The following IL1RAPL1 variants were observed in gnomAD, a reference collection of about 807,000 sequenced individuals.
IL1RAPL1 encodes interleukin 1 receptor accessory protein like 1.
In IL1RAPL1, 3 loss-of-function variants were observed where a neutral mutation model predicts 48.4. That is an observed-to-expected ratio of 0.06 (90% confidence interval 0.03 to 0.16). The LOEUF (loss-of-function observed/expected upper bound fraction) is 0.16, where lower values mean the gene tolerates loss of function less well. Ranked by LOEUF, IL1RAPL1 falls within the 10% of genes least tolerant of loss-of-function variation. IL1RAPL1 has a pLI of 1.00. For missense variants in IL1RAPL1, 349 were observed against 530.6 expected, an observed-to-expected ratio of 0.66 and a Z score of 3.36; for synonymous variants, 185 against 187.7, an observed-to-expected ratio of 0.99 and a Z score of 0.12.
At chrX:28,605,467 A>G (rs889127462) in intron 1 of IL1RAPL1, among the ~76,000 whole-genome samples, 1 of 111,378 alleles carries the variant, frequency 9.0e-6, no homozygotes, top group Non-Finnish European at 1.9e-5. Flanking sequence ...TGTTGGTACT[A>G]TCTTTACCCA....
intron 1 of IL1RAPL1, among the ~76,000 whole-genome samples, chrX:28,722,964 G>C (rs937028387): frequency 2.1e-4 from 23 of 111,394 alleles, no homozygotes; most frequent in African/African-American, 7.5e-4. Context: ...TGGTGGATAA[G>C]CTTTTTGATG....
At chrX:28,877,654 A>G (rs1005205666) in intron 2 of IL1RAPL1, among the ~76,000 whole-genome samples, 2 of 112,029 alleles carry the variant, frequency 1.8e-5, no homozygotes, top group Non-Finnish European at 3.8e-5. Context: ...TTTTTAAATC[A>G]TATATTTTGA....
intron 6 of IL1RAPL1, among the ~76,000 whole-genome samples, chrX:29,910,018 A>G (rs760214957): frequency 3.6e-5 from 4 of 111,974 alleles, no homozygotes; most frequent in Admixed American, 1.9e-4. Flanking sequence ...ATGCACATCA[A>G]TGGTAGACTA....
rs57703867 is a variant in IL1RAPL1 at position 28,954,258 on chromosome X, C to T, written c.82+164833C>T. 8.5e-3 allele frequency among the ~76,000 whole-genome samples: 944 copies of T among 111,064 alleles called. 12 individuals are homozygous for T. The highest frequency in any genetic ancestry group is 0.029 in the African/African-American group (905 of 30,689). ...TAGATAAGCCAATAGTTTCATATAGCGTCTTCAATGTTACAAGATTTGTGA... is the reference window on the plus strand; with the variant it reads ...TAGATAAGCCAATAGTTTCATATAGTGTCTTCAATGTTACAAGATTTGTGA... On this transcript the variant is annotated intron_variant, in intron 2 of 10. Coordinates refer to ENST00000378993, the MANE Select transcript of IL1RAPL1 (RefSeq NM_014271.4).
chrX:28,659,259 C>T (rs1054749424), intron 1 of IL1RAPL1: 1 of 602,413 alleles, frequency 1.7e-6, no homozygotes, highest in Non-Finnish European at 2.8e-6. Context: ...ATTTCTTGCA[C>T]CAAACGCTGG....
chrX:29,577,214 A>C (rs1299745258), intron 5 of IL1RAPL1, among the ~76,000 whole-genome samples: 2 of 111,835 alleles, frequency 1.8e-5, no homozygotes, highest in African/African-American at 6.5e-5. Flanking sequence ...TCATCTTTGC[A>C]TTTTCAGTAG....
intron 2 of IL1RAPL1, among the ~76,000 whole-genome samples, chrX:29,252,379 T>A (rs1052406404): frequency 8.8e-6 from 1 of 113,996 alleles, no homozygotes; most frequent in Non-Finnish European, 1.9e-5. Flanking sequence ...ACTAGATTTC[T>A]CTATCAGTTT....
intron 1 of IL1RAPL1, among the ~76,000 whole-genome samples, chrX:28,718,375 T>TA (rs1172351943): frequency 8.9e-6 from 1 of 112,148 alleles, no homozygotes; most frequent in Admixed American, 9.5e-5. Context: ...TATGTAAAGT[T>TA]AAAAATAATT....
intron 6 of IL1RAPL1, among the ~76,000 whole-genome samples, chrX:29,694,953 A>T (rs1271960294): frequency 9.0e-6 from 1 of 111,152 alleles, no homozygotes; most frequent in Non-Finnish European, 1.9e-5. Flanking sequence ...GACAGTGTTG[A>T]CTTTGAGATT....
intron 2 of IL1RAPL1, among the ~76,000 whole-genome samples, chrX:29,275,681 G>T (rs1430570619): frequency 1.8e-5 from 2 of 111,851 alleles, no homozygotes; most frequent in African/African-American, 6.5e-5. Context: ...TGTTATCTTT[G>T]CTCTCAGAAT....
chrX:29,665,875 G>A (rs747870720), intron 5 of IL1RAPL1, among the ~76,000 whole-genome samples: 1 of 111,955 alleles, frequency 8.9e-6, no homozygotes, highest in South Asian at 3.7e-4. Context: ...TTCCAGTCTT[G>A]TAACAGATTG....
intron 2 of IL1RAPL1, among the ~76,000 whole-genome samples, chrX:29,194,880 T>TA (rs1477296080): frequency 1.8e-5 from 2 of 110,587 alleles, no homozygotes; most frequent in Non-Finnish European, 3.8e-5. Flanking sequence ...TTTTTTTTTT[T>TA]AACACTGCTC....
chrX:29,930,160 C>T (rs1209641830), intron 8 of IL1RAPL1, among the ~76,000 whole-genome samples: 2 of 112,235 alleles, frequency 1.8e-5, no homozygotes, highest in Non-Finnish European at 3.8e-5. Context: ...ATTGACTCCA[C>T]GTTTTATGTG....
chrX:29,056,327 G>A (rs1224277235), intron 2 of IL1RAPL1, among the ~76,000 whole-genome samples: 2 of 111,246 alleles, frequency 1.8e-5, no homozygotes, highest in Non-Finnish European at 3.8e-5. Context: ...TGGTAGGAAA[G>A]GAGATCTCTT....
chrX:29,589,503 G>A (rs778360807), intron 5 of IL1RAPL1, among the ~76,000 whole-genome samples: 2 of 111,235 alleles, frequency 1.8e-5, no homozygotes, highest in Non-Finnish European at 3.8e-5. Context: ...GGTATAAAAT[G>A]TTATGTAGCA....
intron 6 of IL1RAPL1, among the ~76,000 whole-genome samples, chrX:29,897,760 ATAATC>A (rs1014223796): frequency 3.6e-5 from 4 of 111,857 alleles, no homozygotes; most frequent in African/African-American, 9.7e-5. Context: ...TCGCTAATCT[ATAATC>A]TAATCTATAC....
intron 2 of IL1RAPL1, among the ~76,000 whole-genome samples, chrX:28,828,352 G>C (rs1920985202): frequency 9.0e-6 from 1 of 111,572 alleles, no homozygotes; most frequent in Admixed American, 9.5e-5. Context: ...AAATAATTTA[G>C]AATATAAAAG....
intron 1 of IL1RAPL1, among the ~76,000 whole-genome samples, chrX:28,764,900 A>G (rs1314319632): frequency 9.1e-6 from 1 of 110,496 alleles, no homozygotes; most frequent in East Asian, 2.8e-4. Flanking sequence ...CTCGGAACCA[A>G]CCCAAATGTC....
intron 3 of IL1RAPL1, among the ~76,000 whole-genome samples, chrX:29,368,093 G>A (rs1430924620): frequency 9.0e-6 from 1 of 111,043 alleles, no homozygotes; most frequent in Non-Finnish European, 1.9e-5. Flanking sequence ...GGATGATTAT[G>A]TTTGCACTGA....
Sources: gnomAD v4.1 joint callset for allele counts (sites outside exome capture counted in the v4.1 genomes callset) on GRCh38, gnomAD v4.1.1 for gene constraint, MANE v1.5 for transcripts, NCBI Gene and HGNC (gene_info 2026-07-23, HGNC 2026-07-21) for gene names.